ZNF682: variants seen among roughly 807,000 people sequenced by gnomAD.
The protein encoded by ZNF682 is zinc finger protein 682.
A neutral mutation model predicts 36.5 loss-of-function variants in ZNF682; 29 were observed. That is an observed-to-expected ratio of 0.80 (90% confidence interval 0.59 to 1.08). The LOEUF (loss-of-function observed/expected upper bound fraction) is 1.08, where lower values mean the gene tolerates loss of function less well. Among genes scored for constraint, ZNF682 ranks in the 50% least tolerant of loss-of-function variants. The pLI is 0.00. For missense variants in ZNF682, 561 were observed against 579.7 expected (o/e 0.97, Z 0.33); for synonymous variants, 180 against 197.0 (o/e 0.91, Z 0.72).
chr19:20,034,608 C>CA (rs2088510811), intron 1 of ZNF682, among the ~76,000 whole-genome samples: 1 of 150,868 alleles, frequency 6.6e-6, no homozygotes, highest in African/African-American at 2.4e-5. Flanking sequence ...GTGAAACCAC[C>CA]TCTCTACTAA....
intron 1 of ZNF682, 112 bp downstream of exon 1, chr19:20,039,230 GT>G: frequency 6.5e-7 from 1 of 1,529,624 alleles, no homozygotes; most frequent in Non-Finnish European, 8.8e-7. Flanking sequence ...GGGGACTCCA[GT>G]CCGCAGACTC....
chr19:20,036,238 G>GT lies in ZNF682; in HGVS notation c.3+3104dup, dbSNP rs541910410. ...CAGTTTTCTATTGAAAACACCTATCGTTTTTATCTCTCCAGATACTGAAGA... is the reference window on the plus strand; with the variant it reads ...CAGTTTTCTATTGAAAACACCTATCGTTTTTTATCTCTCCAGATACTGAAGA... On this transcript the variant is annotated intron_variant, in intron 1 of 3. Coordinates refer to ENST00000397165, the MANE Select transcript of ZNF682 (RefSeq NM_033196.3). Among the ~76,000 whole-genome samples, 340 of 152,196 alleles carry GT rather than the reference G, an allele frequency of 2.2e-3. 1 individual carries two copies. The highest frequency in any genetic ancestry group is 7.9e-3 in the African/African-American group (329 of 41,538).
intron 3 of ZNF682, among the ~76,000 whole-genome samples, chr19:20,022,387 G>A (rs746641059): frequency 6.6e-6 from 1 of 151,664 alleles, no homozygotes; most frequent in South Asian, 2.1e-4. Context: ...TAGTTTAAAG[G>A]CCGGGCATGG....
chr19:20,031,227 T>A (rs1228071034), intron 1 of ZNF682: 1 of 152,258 alleles, frequency 6.6e-6, no homozygotes, highest in Non-Finnish European at 1.5e-5. Context: ...ATGACAGGAA[T>A]ATTTTATTCC....
intron 1 of ZNF682, among the ~76,000 whole-genome samples, chr19:20,035,370 C>T (rs988232649): frequency 1.3e-5 from 2 of 151,928 alleles, no homozygotes; most frequent in Admixed American, 1.3e-4. Context: ...AGATTACAGG[C>T]GCCCACCACC....
chr19:20,025,370 C>T (rs1192592361), intron 1 of ZNF682, among the ~76,000 whole-genome samples: 1 of 152,058 alleles, frequency 6.6e-6, no homozygotes, highest in African/African-American at 2.4e-5. Flanking sequence ...GAGCCTTAAC[C>T]AAGTGATTGA....
At chr19:20,007,821 G>C (rs1568538345) in intron 3 of ZNF682, 1 of 153,684 alleles carries the variant, frequency 6.5e-6, no homozygotes, top group Non-Finnish European at 1.4e-5. Context: ...TGCAGCTGTA[G>C]CTGACCATAG....
intron 3 of ZNF682, chr19:20,015,400 C>A (rs977517445): frequency 5.5e-5 from 54 of 984,570 alleles, no homozygotes; most frequent in Non-Finnish European, 6.2e-5. Flanking sequence ...TGATTCATAT[C>A]TGACTTTTGC....
chr19:20,036,803 TAAAAAAAAAAGAAA>T (rs2088534091), intron 1 of ZNF682, among the ~76,000 whole-genome samples: 1 of 29,540 alleles, frequency 3.4e-5, no homozygotes, highest in Admixed American at 4.6e-4. Context: ...GCTGTCTCTA[TAAAAAAAAAAGAAA>T]AAAAAAAAAA....
chr19:20,026,907 C>T (rs991331294), intron 1 of ZNF682, among the ~76,000 whole-genome samples: 7 of 152,042 alleles, frequency 4.6e-5, no homozygotes, highest in African/African-American at 1.7e-4. Flanking sequence ...CTCTTAACTA[C>T]TATAGTAAGA....
rs1382657383 is a variant in ZNF682, at chr19:20,039,425, A to T, written c.-80T>A. On this transcript the variant is annotated 5_prime_UTR_variant, in exon 1 of 4. Coordinates refer to ENST00000397165, the MANE Select transcript of ZNF682 (RefSeq NM_033196.3). ...AAGTCAGAGGGCAACAGAGGCTGCG[A>T]CAGTCACCGGGAACTACTAGAGCAG... The T allele has an allele frequency of 1.3e-6, 2 of 1,591,210 alleles. No individual in the cohort carries two copies. The highest frequency in any genetic ancestry group is 4.5e-5 in the East Asian group (2 of 44,808).
intron 3 of ZNF682, among the ~76,000 whole-genome samples, chr19:20,021,699 C>T (rs992226375): frequency 1.3e-5 from 2 of 152,138 alleles, no homozygotes; most frequent in African/African-American, 2.4e-5. Context: ...TATGTATACA[C>T]ACCTCAACTA....
rs1250093797 is a variant in ZNF682 at position 20,005,512 on chromosome 19, G to A, written c.*493C>T. The A allele has an allele frequency of 6.5e-6, 1 of 154,376 alleles. No individual in the cohort carries two copies. The highest frequency in any genetic ancestry group is 6.4e-5 in the Admixed American group (1 of 15,676). 9.6% of individuals were successfully genotyped at this position (154,376 alleles called of 1,614,324 possible). A position where few individuals can be genotyped will look rare whatever the true frequency, so the allele number is the denominator to read the frequency against. ...TACCTTTCAGTATAAATTCTCCTAT[G>A]TACAACAAAATCTGTAACATAAGTA... On this transcript the variant is annotated 3_prime_UTR_variant, in exon 4 of 4. Transcript: ENST00000397165.
chr19:20,036,808 A>T (rs2088534250), intron 1 of ZNF682, among the ~76,000 whole-genome samples: 1 of 91,990 alleles, frequency 1.1e-5, no homozygotes, highest in African/African-American at 4.6e-5. Context: ...CTCTATAAAA[A>T]AAAAAGAAAA....
chr19:20,001,040 T>C (rs1173461026), downstream of ZNF682, among the ~76,000 whole-genome samples: 1 of 152,232 alleles, frequency 6.6e-6, no homozygotes, highest in African/African-American at 2.4e-5. Context: ...TCCTAGGGCC[T>C]TCCCAGGAGT....
At position 20,022,988 on chromosome 19, in the gene ZNF682, C is replaced by T. The variant is rs374297781; in HGVS notation, c.226+16G>A. On this transcript the variant is annotated intron_variant, in intron 3 of 3. Transcript: ENST00000397165. ...GAGCTTTCACCTGTGGCATGTGTTT[C>T]ATTCATCCAACCTACCTGGGGGTTT... is the stretch of plus-strand genomic sequence containing the variant. 99 of 1,609,514 alleles carry T rather than the reference C, an allele frequency of 6.2e-5. No individual in the cohort carries two copies. The highest frequency in any genetic ancestry group is 8.2e-5 in the Non-Finnish European group (96 of 1,176,766).
rs377111628 is a variant in ZNF682 at position 20,024,396 on chromosome 19, A to T, written c.4-20T>A. The T allele has an allele frequency of 1.2e-6, 2 of 1,600,254 alleles. No homozygotes were observed. The highest frequency in any genetic ancestry group is 2.7e-5 in the African/African-American group (2 of 74,148). On this transcript the variant is annotated intron_variant, in intron 1 of 3. Transcript: ENST00000397165. ...CAGTTCCTGAAAAACAAAACAAAAC[A>T]TAGTGACCAACTGTCAATGGGCAGA...
chr19:20,014,493 C>T lies in ZNF682; in HGVS notation c.227-7218G>A, dbSNP rs547753957. 9.2e-5 allele frequency among the ~76,000 whole-genome samples: 14 copies of T among 152,010 alleles called. No individual in the cohort carries two copies. In the East Asian group the frequency reaches 1.5e-3, roughly 17 times the overall value. ...GCTTTTAAAAAGCAGAAAATTGGGT[C>T]GGACGTGTAGGTTCATGCCTGTAAT... On this transcript the variant is annotated intron_variant, in intron 3 of 3. Transcript: ENST00000397165.
intron 1 of ZNF682, among the ~76,000 whole-genome samples, chr19:20,031,353 C>G (rs1015213299): frequency 9.9e-5 from 15 of 152,164 alleles, no homozygotes; most frequent in African/African-American, 3.6e-4. Context: ...ACACCAAGAG[C>G]CTCTCACACA....
Sources: gnomAD v4.1 joint callset for allele counts (sites outside exome capture counted in the v4.1 genomes callset) on GRCh38, gnomAD v4.1.1 for gene constraint, MANE v1.5 for transcripts, NCBI Gene and HGNC (gene_info 2026-07-23, HGNC 2026-07-21) for gene names.